Variants in MARCHF8 observed in about 807,000 individuals in gnomAD.
The protein encoded by MARCHF8 is E3 ubiquitin-protein ligase MARCHF8.
In MARCHF8, 40 loss-of-function variants were observed where a neutral mutation model predicts 51.6. The ratio of observed to expected loss-of-function variants is 0.77; its 90% CI spans 0.60 to 1.01. MARCHF8 has a LOEUF of 1.01. Ranked by LOEUF, MARCHF8 falls within the 50% of genes least tolerant of loss-of-function variation. The pLI, the probability that MARCHF8 is intolerant of heterozygous loss-of-function variation, is 0.00. For synonymous variants in MARCHF8, 263 were observed against 280.3 expected (o/e 0.94, Z 0.62); for missense variants, 685 against 708.6 (o/e 0.97, Z 0.38).
At chr10:45,468,682 C>T (rs1843053062) in intron 3 of MARCHF8, among the ~76,000 whole-genome samples, 1 of 152,100 alleles carries the variant, frequency 6.6e-6, no homozygotes, top group African/African-American at 2.4e-5. Flanking sequence ...TACAGTACTG[C>T]AAATCAATGA....
At chr10:45,477,282 A>G (rs925835914) in intron 3 of MARCHF8, among the ~76,000 whole-genome samples, 2 of 152,224 alleles carry the variant, frequency 1.3e-5, no homozygotes, top group African/African-American at 4.8e-5. Flanking sequence ...TCCTTCCCAG[A>G]CAAGCAAAAG....
At chr10:45,524,294 A>G (rs1365247216) in intron 2 of MARCHF8, among the ~76,000 whole-genome samples, 1 of 152,234 alleles carries the variant, frequency 6.6e-6, no homozygotes, top group Non-Finnish European at 1.5e-5. Flanking sequence ...TAAGCATGCT[A>G]CAACTTTCTA....
chr10:45,523,180 G>A (rs917864943), intron 2 of MARCHF8, among the ~76,000 whole-genome samples: 1 of 152,120 alleles, frequency 6.6e-6, no homozygotes, highest in East Asian at 1.9e-4. Context: ...CATTAACAAC[G>A]ATTACAGGAC....
chr10:45,536,108 T>C (rs1212144717), upstream of MARCHF8, among the ~76,000 whole-genome samples: 1 of 152,028 alleles, frequency 6.6e-6, no homozygotes, highest in East Asian at 1.9e-4. Context: ...CAAAACAACC[T>C]TGAAAAAGAA....
chr10:45,552,729 A>G lies in MARCHF8; in HGVS notation c.-78-19440T>C, dbSNP rs572800841. 1.1e-4 allele frequency among the ~76,000 whole-genome samples: 16 copies of G among 152,348 alleles called. No homozygotes were observed. The East Asian group carries it at 3.1e-3, about 29-fold the overall frequency. ...CATTCGTCCCTAAAATAGATTAGTG[A>G]ATGCCCAGAAAATAAAGAATGCTCA... On this transcript the variant is annotated intron_variant, in intron 1 of 6. Coordinates refer to the MARCHF8 transcript ENST00000319836.
intron 3 of MARCHF8, among the ~76,000 whole-genome samples, chr10:45,472,914 G>A (rs1314882252): frequency 2.0e-5 from 3 of 152,180 alleles, no homozygotes; most frequent in African/African-American, 7.2e-5. Context: ...TGTCACTTAG[G>A]AATAAATATC....
At chr10:45,594,849 A>C (rs2044723259) in exon 1 of MARCHF8, 1 of 151,812 alleles carries the variant, frequency 6.6e-6, no homozygotes, top group Non-Finnish European at 1.5e-5. Context: ...GCAAGGCCGC[A>C]CCTCCCCCAG....
At chr10:45,544,037 C>T (rs969188965) in intron 1 of MARCHF8, among the ~76,000 whole-genome samples, 1 of 151,846 alleles carries the variant, frequency 6.6e-6, no homozygotes, top group African/African-American at 2.4e-5. Flanking sequence ...CACTGTACTC[C>T]ATTCTGGGCA....
At chr10:45,512,625 C>T (rs1311930247) in intron 2 of MARCHF8, among the ~76,000 whole-genome samples, 2 of 150,920 alleles carry the variant, frequency 1.3e-5, no homozygotes, top group African/African-American at 4.9e-5. Flanking sequence ...CCCGCCCGGC[C>T]AGCCGCCCCG....
chr10:45,517,727 A>G (rs1317764072), intron 2 of MARCHF8, among the ~76,000 whole-genome samples: 2 of 152,182 alleles, frequency 1.3e-5, no homozygotes, highest in African/African-American at 4.8e-5. Flanking sequence ...AGGGCTTAGA[A>G]CTGCTATAAC....
intron 3 of MARCHF8, among the ~76,000 whole-genome samples, chr10:45,481,643 C>T (rs2042889109): frequency 6.6e-6 from 1 of 152,166 alleles, no homozygotes; most frequent in Admixed American, 6.5e-5. Flanking sequence ...TAAGACATGC[C>T]TTTCGCCTTC....
chr10:45,569,138 T>C (rs1427505737), intron 1 of MARCHF8, among the ~76,000 whole-genome samples: 1 of 152,000 alleles, frequency 6.6e-6, no homozygotes, highest in Non-Finnish European at 1.5e-5. Flanking sequence ...CAAATTTGTA[T>C]TGGACTGAAT....
chr10:45,477,115 T>C (rs1314336174), intron 3 of MARCHF8, among the ~76,000 whole-genome samples: 1 of 152,058 alleles, frequency 6.6e-6, no homozygotes, highest in Non-Finnish European at 1.5e-5. Flanking sequence ...CATTTATAAG[T>C]GGACCCCCAT....
chr10:45,464,120 G>T, intron 4 of MARCHF8, 119 bp downstream of exon 4: 1 of 1,532,838 alleles, frequency 6.5e-7, no homozygotes, highest in Non-Finnish European at 8.9e-7. Context: ...CATAAAACTC[G>T]CCAACTGTTT....
At chr10:45,559,743 T>C (rs955481190) in intron 1 of MARCHF8, among the ~76,000 whole-genome samples, 5 of 152,180 alleles carry the variant, frequency 3.3e-5, no homozygotes, top group Admixed American at 6.5e-5. Flanking sequence ...ATTCCAAGTG[T>C]GCATTAGACT....
upstream of MARCHF8, among the ~76,000 whole-genome samples, chr10:45,537,839 T>C (rs1025728332): frequency 6.6e-6 from 1 of 152,158 alleles, no homozygotes; most frequent in Admixed American, 6.5e-5. Context: ...GATTCAATGA[T>C]TTATTTTTAG....
At chr10:45,528,747 A>G (rs2043831461) in intron 2 of MARCHF8, among the ~76,000 whole-genome samples, 1 of 152,202 alleles carries the variant, frequency 6.6e-6, no homozygotes, top group Admixed American at 6.5e-5. Flanking sequence ...CAATAGCTAC[A>G]AAAAAATAAT....
chr10:45,560,539 C>A (rs1298994004), intron 1 of MARCHF8, among the ~76,000 whole-genome samples: 1 of 152,188 alleles, frequency 6.6e-6, no homozygotes, highest in Non-Finnish European at 1.5e-5. Flanking sequence ...TGAATAAATG[C>A]CCACAGTGCC....
intron 3 of MARCHF8, among the ~76,000 whole-genome samples, chr10:45,488,806 C>T (rs2043030740): frequency 6.6e-6 from 1 of 152,208 alleles, no homozygotes; most frequent in Non-Finnish European, 1.5e-5. Context: ...CCCTTGTCCA[C>T]TAGAGCCAAG....
Sources: gnomAD v4.1 joint callset for allele counts (sites outside exome capture counted in the v4.1 genomes callset) on GRCh38, gnomAD v4.1.1 for gene constraint, MANE v1.5 for transcripts, NCBI Gene and HGNC (gene_info 2026-07-23, HGNC 2026-07-21) for gene names.